ANK2: variants seen among roughly 807,000 people sequenced by gnomAD.
ANK2 encodes ankyrin-2.
ANK2 carries 83 observed loss-of-function variants against 360.5 expected under a neutral mutation model. The ratio of observed to expected loss-of-function variants is 0.23; its 90% CI spans 0.19 to 0.28. The LOEUF (loss-of-function observed/expected upper bound fraction) is 0.28, where lower values mean the gene tolerates loss of function less well. Ranked by LOEUF, ANK2 falls within the 10% of genes least tolerant of loss-of-function variation. The pLI is 1.00. For synonymous variants in ANK2, 1,740 were observed against 1,759.5 expected (o/e 0.99, Z 0.28); for missense variants, 4,201 against 4,795.7 (o/e 0.88, Z 3.66).
chr4:112,721,680 AT>A, the ANK2 span, among the ~76,000 whole-genome samples: 3 of 151,820 alleles, frequency 2.0e-5, no homozygotes, highest in African/African-American at 7.3e-5. Flanking sequence ...TTCTAAAGTT[AT>A]TGCTCTTTTC....
chr4:113,285,028 A>G (rs1160573825), intron 18 of ANK2, among the ~76,000 whole-genome samples: 1 of 152,234 alleles, frequency 6.6e-6, no homozygotes, highest in African/African-American at 2.4e-5. Flanking sequence ...CATCTATCAT[A>G]AAATAAAACC....
chr4:112,809,386 C>T, the ANK2 span, among the ~76,000 whole-genome samples: 1 of 150,114 alleles, frequency 6.7e-6, no homozygotes, highest in African/African-American at 2.4e-5. Context: ...ACGGTGAAAC[C>T]CCGTCTCTAC....
rs1249945599 is a variant in ANK2, at chr4:112,971,114, C to T, written c.21+66600C>T. Among the ~76,000 whole-genome samples the T allele has an allele frequency of 2.6e-5, 4 of 151,988 alleles. 1 individual carries two copies. The highest frequency in any genetic ancestry group is 5.9e-5 in the Non-Finnish European group (4 of 67,996). On this transcript the variant is annotated intron_variant, in intron 2 of 30. Coordinates refer to the ANK2 transcript ENST00000503271. ...GACTCATGAAAATTTAAAATGAACA[C>T]GTCACAAATTTTATTTATTTTATTA...
At chr4:112,721,142 G>T in the ANK2 span, among the ~76,000 whole-genome samples, 2 of 152,284 alleles carry the variant, frequency 1.3e-5, no homozygotes, top group South Asian at 4.1e-4. Context: ...GCTGAAGAAG[G>T]GGAGGGACAG....
At chr4:112,825,561 T>C (rs1037356925) in intron 1 of ANK2, among the ~76,000 whole-genome samples, 1 of 152,212 alleles carries the variant, frequency 6.6e-6, no homozygotes, top group Non-Finnish European at 1.5e-5. Context: ...CTACCAATAC[T>C]ACAAAAGCAA....
At chr4:113,038,197 C>CA (rs1156428331) in intron 2 of ANK2, among the ~76,000 whole-genome samples, 2 of 151,642 alleles carry the variant, frequency 1.3e-5, no homozygotes, top group Non-Finnish European at 2.9e-5. Context: ...AAAGAAAGTT[C>CA]AAAAAAAGCT....
At chr4:113,194,266 C>G (rs183503746) in intron 2 of ANK2, among the ~76,000 whole-genome samples, 1 of 152,110 alleles carries the variant, frequency 6.6e-6, no homozygotes. Flanking sequence ...GTAAGTTTAG[C>G]CATATCTTCT....
chr4:112,804,998 T>C, the ANK2 span, among the ~76,000 whole-genome samples: 1 of 152,102 alleles, frequency 6.6e-6, no homozygotes. Flanking sequence ...GACACAAAAA[T>C]TGTGCCTCAC....
chr4:113,259,817 T>C (rs978458709), intron 13 of ANK2, among the ~76,000 whole-genome samples: 4 of 150,748 alleles, frequency 2.7e-5, no homozygotes, highest in Admixed American at 2.0e-4. Flanking sequence ...TTTTTCTTTT[T>C]TTTTTTTTTA....
chr4:112,968,961 C>T (rs1392643901), intron 2 of ANK2, among the ~76,000 whole-genome samples: 1 of 152,176 alleles, frequency 6.6e-6, no homozygotes, highest in African/African-American at 2.4e-5. Flanking sequence ...TGACTCACTT[C>T]CTTACTAAAA....
At chr4:112,733,282 G>T in the ANK2 span, among the ~76,000 whole-genome samples, 3 of 151,916 alleles carry the variant, frequency 2.0e-5, no homozygotes, top group Non-Finnish European at 4.4e-5. Flanking sequence ...CTGAGACTTG[G>T]ATTCCTCCTC....
At chr4:112,923,605 T>C (rs2154224334) in intron 2 of ANK2, among the ~76,000 whole-genome samples, 1 of 152,296 alleles carries the variant, frequency 6.6e-6, no homozygotes, top group Admixed American at 6.5e-5. Context: ...TCATGACTGC[T>C]CTAAAATTAG....
In ANK2 at chr4:113,327,368, A is replaced by G. The variant is rs373171212; in HGVS notation, c.2901-2878A>G. On this transcript the variant is annotated intron_variant, in intron 26 of 45. Transcript: ENST00000357077. ...ATAAGCCTGTAGGAGAATATTTAAC[A>G]TTCAGGAGAGTCGTTCCCAACTGCT... Among the ~76,000 whole-genome samples, 4 of 152,340 alleles carry G rather than the reference A, an allele frequency of 2.6e-5. No homozygotes were observed. The East Asian group carries it at 7.7e-4, about 29-fold the overall frequency.
At chr4:113,351,449 G>T (rs2095409710) in intron 37 of ANK2, among the ~76,000 whole-genome samples, 1 of 152,192 alleles carries the variant, frequency 6.6e-6, no homozygotes, top group Admixed American at 6.5e-5. Flanking sequence ...GAACAAATTT[G>T]TATTGGTATA....
chr4:112,709,742 G>A, the ANK2 span, among the ~76,000 whole-genome samples: 1 of 152,026 alleles, frequency 6.6e-6, no homozygotes, highest in Admixed American at 6.6e-5. Context: ...GAGCAAAACA[G>A]TCTCAAAAAA....
At chr4:113,369,462 A>T (rs370160843) in intron 42 of ANK2, 52 bp from the exon 43 acceptor site, 75 of 1,588,558 alleles carry the variant, frequency 4.7e-5, no homozygotes, top group Middle Eastern at 1.7e-4. Context: ...TTGCTTGAGC[A>T]GGAGGTGAAA....
At chr4:113,258,182 C>G in intron 12 of ANK2, 34 bp downstream of exon 12, 1 of 1,581,010 alleles carries the variant, frequency 6.3e-7, no homozygotes, top group Middle Eastern at 1.7e-4. Flanking sequence ...ACAAAGCATT[C>G]CTTCTCTTAC....
chr4:113,282,738 C>T lies in ANK2; in HGVS notation c.1945C>T (p.Leu649=). The T allele has an allele frequency of 6.2e-7, 1 of 1,613,964 alleles. No homozygotes were observed. Among genetic ancestry groups the T allele is most frequent in the Non-Finnish European group, 8.5e-7 (1 of 1,179,936 alleles). The change falls in exon 18 of 46, where the codon CTG becomes TTG. Residue 649 remains leucine (L), a synonymous_variant. Transcript: ENST00000357077. ...KNQMQIASTL[L]NYGAETNIVT... Reference sequence around the variant, plus strand: ...TCAAATGCAGATAGCTTCCACACTCCTGAACTATGGAGCAGAGACAAACAT... The same window carrying T: ...TCAAATGCAGATAGCTTCCACACTCTTGAACTATGGAGCAGAGACAAACAT...
Position 113,357,099 on chromosome 4 carries a change from T to C in ANK2, c.8481T>C (p.Leu2827=). 1 of 1,614,056 alleles carries C rather than the reference T, an allele frequency of 6.2e-7. No individual in the cohort carries two copies. Among genetic ancestry groups the C allele is most frequent in the Non-Finnish European group, 8.5e-7 (1 of 1,179,964 alleles). Residue 2827 remains leucine (L), a synonymous_variant, in exon 38 of 46, where the codon CTT becomes CTC. Transcript: ENST00000357077. The part of the protein sequence containing the change: ...THEKDTEGEE[L]DVSRAESPQA... ...AAAAAGACACAGAGGGAGAAGAGCTTGATGTTTCTAGAGCAGAATCTCCAC... is the reference window on the plus strand; with the variant it reads ...AAAAAGACACAGAGGGAGAAGAGCTCGATGTTTCTAGAGCAGAATCTCCAC...
Sources: allele counts gnomAD v4.1 joint callset (sites outside exome capture counted in the v4.1 genomes callset), GRCh38; gene constraint gnomAD v4.1.1; transcripts MANE v1.5; gene names NCBI Gene and HGNC (gene_info 2026-07-23, HGNC 2026-07-21).